SLFN12L: variants seen among roughly 807,000 people sequenced by gnomAD.
SLFN12L encodes schlafen family member 12-like.
Under a neutral mutation model 34.8 loss-of-function variants are expected in SLFN12L, and 34 were observed. The observed-to-expected ratio is 0.98, with a 90% CI of 0.74 to 1.30. The LOEUF (loss-of-function observed/expected upper bound fraction) is 1.30, where lower values mean the gene tolerates loss of function less well. SLFN12L is among the 50% of genes most tolerant of loss of function. The probability of loss-of-function intolerance (pLI) is 0.00; values close to 1 mark genes in which losing one functional copy is unlikely to be tolerated. For missense variants in SLFN12L, 703 were observed against 696.2 expected (o/e 1.01, Z -0.11); for synonymous variants, 259 against 247.5 (o/e 1.05, Z -0.44).
chr17:35,488,372 G>A (rs532677162), intron 2 of SLFN12L, among the ~76,000 whole-genome samples: 2 of 152,344 alleles, frequency 1.3e-5, no homozygotes, highest in South Asian at 2.1e-4. Flanking sequence ...TGCGAGGAGC[G>A]GGTTGCTCTC....
In SLFN12L at chr17:35,478,169, G is replaced by GGGCA. The variant is rs1914123753; in HGVS notation, c.1178_1181dup (p.Ser395AlafsTer18). 4 of 1,539,424 alleles carry GGGCA rather than the reference G, an allele frequency of 2.6e-6. No homozygotes were observed. The highest frequency in any genetic ancestry group is 3.5e-6 in the Non-Finnish European group (4 of 1,137,346). The stretch of plus-strand genomic sequence containing the variant: ...CAGGTGATGATGTACTTGCTGGAGA[G>GGGCA]GGCAGTTCCTCACATACTATGGAAT... On this transcript the variant is annotated frameshift_variant, in exon 4 of 5. Transcript: ENST00000628453. LOFTEE classifies it high-confidence loss of function.
At chr17:35,483,789 A>G (rs762332081) in intron 2 of SLFN12L, among the ~76,000 whole-genome samples, 1 of 152,208 alleles carries the variant, frequency 6.6e-6, no homozygotes, top group Admixed American at 6.5e-5. Context: ...AGTAATCACT[A>G]CACTAGGAAA....
At position 35,530,502 on chromosome 17, in the gene SLFN12L, A is replaced by C. The variant is rs957987357; in HGVS notation, c.-606+7071T>G. Among the ~76,000 whole-genome samples the C allele has an allele frequency of 3.7e-3, 129 of 34,862 alleles. 9 individuals are homozygous for C. Among genetic ancestry groups the C allele is most frequent in the African/African-American group, 9.7e-3 (122 of 12,576 alleles). The allele number at this position is 34,862 out of a possible 152,430, so 22.9% of individuals were successfully genotyped here. A position where few individuals can be genotyped will look rare whatever the true frequency, so the allele number is the denominator to read the frequency against. ...AAAGAAAGAAAGAAAGAAAGAAAGA[A>C]AGAAAGAAAGAAAAGAAAAGAAAAG... On this transcript the variant is annotated intron_variant, in intron 1 of 4. Coordinates refer to ENST00000628453, the MANE Select transcript of SLFN12L (RefSeq NM_001363830.2).
In SLFN12L at chr17:35,468,937, T is replaced by C. The variant is rs966178495; in HGVS notation, c.*5986A>G. Among the ~76,000 whole-genome samples the C allele has an allele frequency of 6.6e-6, 1 of 151,954 alleles. No individual in the cohort carries two copies. The highest frequency in any genetic ancestry group is 2.4e-5 in the African/African-American group (1 of 41,362). Reference sequence around the variant, plus strand: ...AGTCTGAGGCAGGAGAATCTCTTGATGTCGGGAGGTCAAGGCTGTAATGAG... The same window carrying C: ...AGTCTGAGGCAGGAGAATCTCTTGACGTCGGGAGGTCAAGGCTGTAATGAG... On this transcript the variant is annotated 3_prime_UTR_variant, in exon 5 of 5. Transcript: ENST00000628453.
At chr17:35,487,691 GA>G (rs755188616) in intron 2 of SLFN12L, 83 of 1,506,854 alleles carry the variant, frequency 5.5e-5, no homozygotes, top group Admixed American at 1.6e-4. Context: ...TTTCTAAGGC[GA>G]AAAAAAAGTT....
Position 35,474,936 on chromosome 17 carries a change from AAACAAACAAACC to A in SLFN12L, c.1814_1825del (p.Trp605_Cys608del), listed in dbSNP as rs761363146. ...ACAGAGTGAGACTCATCTCAAGAAA[AAACAAACAAACC>A]AACAAACAAACAAACAAAAACGAAA... On this transcript the variant is annotated inframe_deletion, in exon 5 of 5. Coordinates refer to ENST00000628453, the MANE Select transcript of SLFN12L (RefSeq NM_001363830.2). 1.3e-6 allele frequency: 2 copies of A among 1,547,440 alleles called. No homozygotes were observed. The highest frequency in any genetic ancestry group is 1.2e-5 in the South Asian group (1 of 83,468).
intron 2 of SLFN12L, among the ~76,000 whole-genome samples, chr17:35,507,376 T>G (rs934253697): frequency 4.6e-5 from 7 of 152,178 alleles, no homozygotes; most frequent in African/African-American, 1.7e-4. Flanking sequence ...ACAAGCTATC[T>G]TAGAAATAAT....
rs1913743075 is a variant in SLFN12L at position 35,468,041 on chromosome 17, C to T, written c.*6882G>A. 6.6e-6 allele frequency among the ~76,000 whole-genome samples: 1 copy of T among 152,172 alleles called. No individual in the cohort carries two copies. Among genetic ancestry groups the T allele is most frequent in the Non-Finnish European group, 1.5e-5 (1 of 68,040 alleles). On this transcript the variant is annotated 3_prime_UTR_variant, in exon 5 of 5. Coordinates refer to ENST00000628453, the MANE Select transcript of SLFN12L (RefSeq NM_001363830.2). ...CCTCTCACCTCAGCCTCCTGAGAAG[C>T]TGCGACCACAGGCACACACTACCAC...
At chr17:35,477,977 G>A (rs1914111809) in intron 4 of SLFN12L, 98 bp downstream of exon 4, 1 of 720,774 alleles carries the variant, frequency 1.4e-6, no homozygotes, top group African/African-American at 1.9e-5. Context: ...ACAAAAGAAT[G>A]TGCTTCCATA....
intron 2 of SLFN12L, chr17:35,491,115 A>G (rs1243755667): frequency 9.0e-6 from 7 of 775,100 alleles, no homozygotes; most frequent in African/African-American, 6.8e-5. Context: ...CAAGATGACC[A>G]TTTGTGAACT....
chr17:35,475,493 G>T lies in SLFN12L; in HGVS notation c.1277-8C>A. 1 of 1,565,392 alleles carries T rather than the reference G, an allele frequency of 6.4e-7. No homozygotes were observed. Among genetic ancestry groups the T allele is most frequent in the Admixed American group, 2.0e-5 (1 of 48,842 alleles). On this transcript the variant is annotated splice_region_variant and splice_polypyrimidine_tract_variant and intron_variant, in intron 4 of 4. Transcript: ENST00000628453. ...TTATCTTTTCTGATAGCCCTAGATG[G>T]GGAAATAATGATAAATTATAAAAGA...
In SLFN12L at chr17:35,471,441, T is replaced by C. The variant is rs545932194; in HGVS notation, c.*3482A>G. Among the ~76,000 whole-genome samples the C allele has an allele frequency of 2.6e-5, 4 of 152,254 alleles. No homozygotes were observed. Among genetic ancestry groups the C allele is most frequent in the Non-Finnish European group, 5.9e-5 (4 of 68,016 alleles). ...CATGAGCCACCGCGCCACGCCTGCA[T>C]GTATCTTTATAGTAGAATGATTTAC... On this transcript the variant is annotated 3_prime_UTR_variant, in exon 5 of 5. Transcript: ENST00000628453.
rs1482235335 is a variant in SLFN12L at position 35,468,629 on chromosome 17, C to T, written c.*6294G>A. On this transcript the variant is annotated 3_prime_UTR_variant, in exon 5 of 5. Transcript: ENST00000628453. Reference sequence around the variant, plus strand: ...GTGTGCTGTCTGCTTAGCCTATCATCCTGGCATACTCCTTGCTCTCTGCCA... The same window carrying T: ...GTGTGCTGTCTGCTTAGCCTATCATTCTGGCATACTCCTTGCTCTCTGCCA... Among the ~76,000 whole-genome samples the T allele has an allele frequency of 1.3e-5, 2 of 152,160 alleles. No individual in the cohort carries two copies. The highest frequency in any genetic ancestry group is 2.9e-5 in the Non-Finnish European group (2 of 68,026).
chr17:35,476,629 C>T (rs1469281944), intron 4 of SLFN12L, among the ~76,000 whole-genome samples: 1 of 152,078 alleles, frequency 6.6e-6, no homozygotes, highest in East Asian at 1.9e-4. Flanking sequence ...TAATTCAACT[C>T]CCAGCCAAGT....
In SLFN12L at chr17:35,464,643, C is replaced by T. The variant is rs1913693272; in HGVS notation, c.*10280G>A. ...TGTAGTAGCCCATGGTGTATATGTACCACATTTTCTTTATCTAATCTGTCA... is the reference window on the plus strand; with the variant it reads ...TGTAGTAGCCCATGGTGTATATGTATCACATTTTCTTTATCTAATCTGTCA... On this transcript the variant is annotated 3_prime_UTR_variant, in exon 5 of 5. Transcript: ENST00000628453. 6.6e-6 allele frequency: 1 copy of T among 151,958 alleles called. No individual in the cohort carries two copies. The highest frequency in any genetic ancestry group is 1.5e-5 in the Non-Finnish European group (1 of 67,998). The allele number at this position is 151,958 out of a possible 1,614,324, so 9.4% of individuals were successfully genotyped here. A position where few individuals can be genotyped will look rare whatever the true frequency, so the allele number is the denominator to read the frequency against.
chr17:35,478,627 A>G (rs1257278361), intron 3 of SLFN12L, among the ~76,000 whole-genome samples: 5 of 152,210 alleles, frequency 3.3e-5, no homozygotes, highest in Non-Finnish European at 7.3e-5. Flanking sequence ...AACCAGATAA[A>G]ATATCAGCAT....
At chr17:35,496,989 G>A (rs2142146464) in intron 2 of SLFN12L, among the ~76,000 whole-genome samples, 1 of 152,258 alleles carries the variant, frequency 6.6e-6, no homozygotes, top group African/African-American at 2.4e-5. Flanking sequence ...ACTGTAGGCT[G>A]GGCACGGTGG....
intron 1 of SLFN12L, among the ~76,000 whole-genome samples, chr17:35,531,561 T>C (rs1280814318): frequency 6.6e-6 from 1 of 152,126 alleles, no homozygotes; most frequent in Non-Finnish European, 1.5e-5. Flanking sequence ...ATGCCATTGG[T>C]TTCCATGGAT....
intron 1 of SLFN12L, among the ~76,000 whole-genome samples, chr17:35,527,934 G>A (rs1307851250): frequency 6.6e-6 from 1 of 152,188 alleles, no homozygotes. Flanking sequence ...CAGATGACAT[G>A]ATTGTATATT....
Sources: allele counts gnomAD v4.1 joint callset (sites outside exome capture counted in the v4.1 genomes callset), GRCh38; gene constraint gnomAD v4.1.1; transcripts MANE v1.5; gene names NCBI Gene and HGNC (gene_info 2026-07-23, HGNC 2026-07-21).